ADAMTS19: variants seen among roughly 807,000 people sequenced by gnomAD.
The protein encoded by ADAMTS19 is ADAM metallopeptidase with thrombospondin type 1 motif 19.
Under a neutral mutation model 153.3 loss-of-function variants are expected in ADAMTS19, and 93 were observed. That is an observed-to-expected ratio of 0.61 (90% CI 0.51 to 0.72). The LOEUF (loss-of-function observed/expected upper bound fraction) is 0.72. ADAMTS19 is among the 30% of genes least tolerant of loss of function. The probability of loss-of-function intolerance (pLI) is 0.00; values close to 1 mark genes in which losing one functional copy is unlikely to be tolerated. For missense variants in ADAMTS19, 1,482 were observed against 1,552.1 expected (o/e 0.95, Z 0.76); for synonymous variants, 600 against 556.6 (o/e 1.08, Z -1.10).
intron 16 of ADAMTS19, among the ~76,000 whole-genome samples, chr5:129,677,995 T>C (rs1005861058): frequency 3.9e-5 from 6 of 152,080 alleles, no homozygotes; most frequent in African/African-American, 1.2e-4. Flanking sequence ...GTATATTTTG[T>C]AGAGATGGGG....
intron 6 of ADAMTS19, among the ~76,000 whole-genome samples, chr5:129,548,293 A>T (rs1233283329): frequency 1.3e-5 from 2 of 149,040 alleles, no homozygotes; most frequent in East Asian, 3.9e-4. Context: ...AAGGGCTAAT[A>T]TCCAGAATCT....
chr5:129,649,915 C>T (rs925252298), intron 13 of ADAMTS19, among the ~76,000 whole-genome samples: 1 of 152,214 alleles, frequency 6.6e-6, no homozygotes, highest in African/African-American at 2.4e-5. Context: ...AGGTGGCTCA[C>T]ACCTGTAATC....
chr5:129,564,901 T>G (rs73785205), intron 7 of ADAMTS19, among the ~76,000 whole-genome samples: 6,903 of 152,232 alleles, frequency 0.045, 489 homozygotes, highest in African/African-American at 0.16. Context: ...TAAAAAGGCC[T>G]GTGAGGTTTA....
intron 7 of ADAMTS19, among the ~76,000 whole-genome samples, chr5:129,587,517 A>G (rs895532085): frequency 6.6e-6 from 1 of 152,122 alleles, no homozygotes; most frequent in African/African-American, 2.4e-5. Context: ...TATAGGAGAA[A>G]TGATTTAGTC....
intron 8 of ADAMTS19, among the ~76,000 whole-genome samples, chr5:129,601,524 G>A (rs1335573756): frequency 6.6e-6 from 1 of 152,164 alleles, no homozygotes; most frequent in Non-Finnish European, 1.5e-5. Context: ...ACTAATCTGA[G>A]TTGATTTGCT....
intron 7 of ADAMTS19, among the ~76,000 whole-genome samples, chr5:129,582,204 C>G (rs1159121697): frequency 1.3e-5 from 2 of 149,190 alleles, no homozygotes; most frequent in Non-Finnish European, 3.0e-5. Context: ...ATGTTAAAGT[C>G]TCCCACTATG....
chr5:129,492,271 T>C lies in ADAMTS19; in HGVS notation c.748-16806T>C, dbSNP rs563189206. Among the ~76,000 whole-genome samples, 6 of 152,002 alleles carry C rather than the reference T, an allele frequency of 3.9e-5. 1 individual carries two copies. The highest frequency in any genetic ancestry group is 1.2e-4 in the African/African-American group (5 of 41,454). On this transcript the variant is annotated intron_variant, in intron 2 of 22. Transcript: ENST00000274487. ...TGTGAGAACAGTATCAAGGGGAGGG[T>C]ACTAAACCATGCACGAGAAATCTGA...
In ADAMTS19 at chr5:129,645,885, A is replaced by ATTTTTTTTTTTTTTTT. The variant is rs529444004; in HGVS notation, c.1873-1874_1873-1859dup. Reference sequence around the variant, plus strand: ...CACATGGTTTCTTTCTCCTTTTCCAATTTTTTTTTTTTTTTTTTTTTGAGA... The same window carrying ATTTTTTTTTTTTTTTT: ...CACATGGTTTCTTTCTCCTTTTCCAATTTTTTTTTTTTTTTTTTTTTTTTTTTTTTTTTTTTTGAGA... On this transcript the variant is annotated intron_variant, in intron 11 of 22. Coordinates refer to ENST00000274487, the MANE Select transcript of ADAMTS19 (RefSeq NM_133638.6). Among the ~76,000 whole-genome samples the ATTTTTTTTTTTTTTTT allele has an allele frequency of 3.8e-4, 37 of 97,098 alleles. 1 individual carries two copies. The highest frequency in any genetic ancestry group is 1.5e-3 in the African/African-American group (34 of 22,506). 63.7% of individuals were successfully genotyped at this position (97,098 alleles called of 152,430 possible).
chr5:129,476,684 C>T (rs1750238194), intron 2 of ADAMTS19, among the ~76,000 whole-genome samples: 1 of 152,050 alleles, frequency 6.6e-6, no homozygotes, highest in African/African-American at 2.4e-5. Context: ...CTCCAGACCA[C>T]AGGAATTATG....
At chr5:129,714,545 AC>A (rs1756637443) in intron 21 of ADAMTS19, among the ~76,000 whole-genome samples, 1 of 152,178 alleles carries the variant, frequency 6.6e-6, no homozygotes, top group Non-Finnish European at 1.5e-5. Flanking sequence ...GTAAACATGC[AC>A]ACACAGAAGT....
chr5:129,523,668 C>A (rs1371684704), intron 3 of ADAMTS19, among the ~76,000 whole-genome samples: 1 of 152,072 alleles, frequency 6.6e-6, no homozygotes, highest in East Asian at 1.9e-4. Context: ...ACAGTATGTT[C>A]AACTGCTGAA....
chr5:129,647,586 G>T (rs1753122987), intron 11 of ADAMTS19, among the ~76,000 whole-genome samples, 179 bp from the exon 12 acceptor site: 1 of 152,164 alleles, frequency 6.6e-6, no homozygotes, highest in Admixed American at 6.5e-5. Context: ...TGTGAGAACT[G>T]GGCAATTATA....
At chr5:129,616,088 T>G (rs192658647) in intron 8 of ADAMTS19, among the ~76,000 whole-genome samples, 49 of 152,102 alleles carry the variant, frequency 3.2e-4, no homozygotes, top group African/African-American at 1.1e-3. Flanking sequence ...CCTTTTGACT[T>G]GCCAGTAAAA....
At chr5:129,661,723 C>T (rs1467032990) in intron 15 of ADAMTS19, among the ~76,000 whole-genome samples, 2 of 152,054 alleles carry the variant, frequency 1.3e-5, no homozygotes, top group Non-Finnish European at 2.9e-5. Context: ...GAATAAAAGG[C>T]AAATTACATA....
Position 129,560,847 on chromosome 5 carries a change from G to A in ADAMTS19, c.1372+8940G>A, listed in dbSNP as rs76197196. On this transcript the variant is annotated intron_variant, in intron 7 of 22. Coordinates refer to ENST00000274487, the MANE Select transcript of ADAMTS19 (RefSeq NM_133638.6). ...TTGGTTTTATAGTTAAGATGTCACC[G>A]CAAGTTTTTTTAAAAAAATAGTTTT... Among the ~76,000 whole-genome samples, 680 of 152,146 alleles carry A rather than the reference G, an allele frequency of 4.5e-3. 4 individuals carry two copies. The highest frequency in any genetic ancestry group is 0.029 in the East Asian group (150 of 5,172).
At chr5:129,684,006 C>A in intron 17 of ADAMTS19, 114 bp from the exon 18 acceptor site, 1 of 1,173,302 alleles carries the variant, frequency 8.5e-7, no homozygotes, top group Non-Finnish European at 1.2e-6. Flanking sequence ...ACAACAACAA[C>A]AAAATGCACA....
At chr5:129,698,351 T>G (rs1406841299) in intron 19 of ADAMTS19, among the ~76,000 whole-genome samples, 1 of 152,202 alleles carries the variant, frequency 6.6e-6, no homozygotes, top group African/African-American at 2.4e-5. Context: ...CCTCCTGTCT[T>G]TCCCCTTTCT....
chr5:129,730,812 A>G (rs1313497339), intron 21 of ADAMTS19, among the ~76,000 whole-genome samples: 1 of 152,190 alleles, frequency 6.6e-6, no homozygotes, highest in Non-Finnish European at 1.5e-5. Flanking sequence ...TCTGAAGTGT[A>G]CACTCAACAT....
Position 129,631,481 on chromosome 5 carries a change from A to G in ADAMTS19, c.1770+9133A>G, listed in dbSNP as rs78143270. Among the ~76,000 whole-genome samples the G allele has an allele frequency of 7.2e-5, 11 of 152,086 alleles. No homozygotes were observed. In the East Asian group the frequency reaches 7.7e-4, roughly 11 times the overall value. ...TGACTGCAATTGTCTACTCCCTTCG[A>G]TTATGTCAGATTTTGATTCATACCT... is the stretch of plus-strand genomic sequence containing the variant. On this transcript the variant is annotated intron_variant, in intron 10 of 22. Transcript: ENST00000274487.
Sources: gnomAD v4.1 joint callset for allele counts (sites outside exome capture counted in the v4.1 genomes callset) on GRCh38, gnomAD v4.1.1 for gene constraint, MANE v1.5 for transcripts, NCBI Gene and HGNC (gene_info 2026-07-23, HGNC 2026-07-21) for gene names.